The following RPSA variants were observed in gnomAD, a reference collection of about 807,000 sequenced individuals.
The protein encoded by RPSA is small ribosomal subunit protein uS2.
For missense variants in RPSA, 140 were observed against 372.8 expected, an observed-to-expected ratio of 0.38 and a Z score of 5.14; for synonymous variants, 103 against 126.7, an observed-to-expected ratio of 0.81 and a Z score of 1.25.
At chr3:39,407,539 G>A in intron 1 of RPSA, 82 bp from the exon 2 acceptor site, 2 of 963,318 alleles carry the variant, frequency 2.1e-6, no homozygotes, top group Non-Finnish European at 3.3e-6. Flanking sequence ...CACTATAGCA[G>A]ATGGAGTTTT....
At position 39,408,351 on chromosome 3, in the gene RPSA, AAG is replaced by A. The variant is rs774155963; in HGVS notation, c.134-251_134-250del. The stretch of plus-strand genomic sequence containing the variant: ...ACCAATGATGGAATAAGTACAGGGA[AAG>A]AGAAAGGAAAGATGGATTTAGCCAA... On this transcript the variant is annotated intron_variant, in intron 2 of 6. Coordinates refer to ENST00000301821, the MANE Select transcript of RPSA (RefSeq NM_002295.6). 19 of 671,846 alleles carry A rather than the reference AAG, an allele frequency of 2.8e-5. No individual in the cohort carries two copies. The Admixed American group carries it at 2.9e-4, about 10-fold the overall frequency. 41.6% of individuals were successfully genotyped at this position (671,846 alleles called of 1,614,324 possible).
intron 3 of RPSA, 65 bp from the exon 4 acceptor site, chr3:39,410,689 C>T (rs1166730497): frequency 2.5e-6 from 4 of 1,598,698 alleles, no homozygotes; most frequent in Non-Finnish European, 3.4e-6. Context: ...CCCAGAAGTG[C>T]TTACTGGGTG....
At chr3:39,408,503 CTA>C (rs751840571) in intron 2 of RPSA, 101 bp from the exon 3 acceptor site, 8 of 801,756 alleles carry the variant, frequency 1.0e-5, no homozygotes, top group Middle Eastern at 4.5e-4. Context: ...GAGCTTGCCT[CTA>C]TGACTGGAGT....
intron 3 of RPSA, chr3:39,410,389 T>G (rs988627594): frequency 2.4e-5 from 7 of 288,016 alleles, no homozygotes; most frequent in East Asian, 7.9e-5. Context: ...AGAGGGTTAT[T>G]CCTGAAACTG....
At chr3:39,407,924 AAAT>A (rs1448755995) in intron 2 of RPSA, 138 bp downstream of exon 2, 2 of 647,150 alleles carry the variant, frequency 3.1e-6, no homozygotes. Flanking sequence ...AACATACTTT[AAAT>A]AAATGTTCTT....
At chr3:39,411,041 G>GA in intron 4 of RPSA, 42 bp downstream of exon 4, 4 of 1,596,828 alleles carry the variant, frequency 2.5e-6, no homozygotes, top group East Asian at 4.5e-5. Flanking sequence ...GCGTGCTCTA[G>GA]AAAAAACATT....
At chr3:39,408,807 GAAAT>G (rs758718857) in intron 3 of RPSA, 83 bp downstream of exon 3, 3 of 902,522 alleles carry the variant, frequency 3.3e-6, no homozygotes, top group Non-Finnish European at 5.6e-6. Flanking sequence ...TAAGAAAACA[GAAAT>G]AACTCAGGCC....
chr3:39,412,223 A>G (rs2042015690), intron 6 of RPSA, 51 bp from the exon 7 acceptor site: 8 of 1,469,570 alleles, frequency 5.4e-6, no homozygotes, highest in Non-Finnish European at 7.6e-6. Flanking sequence ...GTAAGGAAAA[A>G]TACTACATTG....
chr3:39,408,140 A>C, intron 2 of RPSA: 1 of 370,672 alleles, frequency 2.7e-6, no homozygotes, highest in South Asian at 2.3e-5. Flanking sequence ...GGGAATGAAC[A>C]ATATGGTTTG....
intron 1 of RPSA, chr3:39,406,966 G>C (rs749188317): frequency 4.4e-6 from 2 of 452,232 alleles, no homozygotes; most frequent in South Asian, 3.1e-5. Flanking sequence ...GGAGCGGGTG[G>C]AGGCCGCCCT....
At chr3:39,409,632 C>CA (rs150972055) in intron 3 of RPSA, among the ~76,000 whole-genome samples, 6 of 152,290 alleles carry the variant, frequency 3.9e-5, no homozygotes, top group East Asian at 1.9e-4. Context: ...TTCCCATAGT[C>CA]AAAGTTTTTA....
chr3:39,408,335 G>GATT, intron 2 of RPSA: 1 of 620,388 alleles, frequency 1.6e-6, no homozygotes, highest in Non-Finnish European at 3.0e-6. Flanking sequence ...AACCAATGAT[G>GATT]GAATAAGTAC....
intron 4 of RPSA, chr3:39,411,210 A>G (rs539853494): frequency 1.3e-6 from 1 of 750,492 alleles, no homozygotes; most frequent in African/African-American, 1.7e-5. Context: ...TACAAGTATA[A>G]CATTACTGCA....
intron 4 of RPSA, 157 bp downstream of exon 4, chr3:39,411,156 A>G (rs1171919790): frequency 2.3e-6 from 2 of 862,698 alleles, no homozygotes; most frequent in South Asian, 1.3e-5. Flanking sequence ...CTAACACCAC[A>G]AGGGTCTCTG....
At chr3:39,408,884 G>T in intron 3 of RPSA, 160 bp downstream of exon 3, 1 of 528,196 alleles carries the variant, frequency 1.9e-6, no homozygotes, top group Non-Finnish European at 3.4e-6. Flanking sequence ...GTATTACGAG[G>T]TCAGGAGATC....
chr3:39,411,114 A>G (rs2041999265), intron 4 of RPSA, 115 bp downstream of exon 4: 1 of 1,356,110 alleles, frequency 7.4e-7, no homozygotes, highest in Non-Finnish European at 1.0e-6. Flanking sequence ...TCGCAAGTGT[A>G]GGTAGTGTGC....
At chr3:39,407,038 G>A in intron 1 of RPSA, 1 of 454,936 alleles carries the variant, frequency 2.2e-6, no homozygotes, top group South Asian at 1.6e-5. Flanking sequence ...TGCAGAAAGC[G>A]GGCTAACATC....
chr3:39,411,076 A>G, intron 4 of RPSA, 77 bp downstream of exon 4: 1 of 1,559,344 alleles, frequency 6.4e-7, no homozygotes, highest in Non-Finnish European at 8.7e-7. Flanking sequence ...TAGAGCTTGG[A>G]GTTGAGGCTA....
At chr3:39,410,148 GAAAA>G (rs1009626732) in intron 3 of RPSA, 7 of 161,668 alleles carry the variant, frequency 4.3e-5, no homozygotes, top group Non-Finnish European at 9.6e-5. Flanking sequence ...CAACTTGAAT[GAAAA>G]ATACCTTAAT....
Sources: allele counts gnomAD v4.1 joint callset (sites outside exome capture counted in the v4.1 genomes callset), GRCh38; gene constraint gnomAD v4.1.1; transcripts MANE v1.5; gene names NCBI Gene and HGNC (gene_info 2026-07-23, HGNC 2026-07-21).